The following DMD variants were observed in gnomAD, a reference collection of about 807,000 sequenced individuals.
The protein encoded by DMD is mutant dystrophin.
DMD carries 63 observed loss-of-function variants against 330.1 expected under a neutral mutation model. The ratio of observed to expected loss-of-function variants is 0.19; its 90% CI spans 0.16 to 0.24. The LOEUF is 0.24. Ranked by LOEUF, DMD falls within the 10% of genes least tolerant of loss-of-function variation. The pLI is 1.00. For synonymous variants in DMD, 1,223 were observed against 959.8 expected (o/e 1.27, Z -5.07); for missense variants, 3,344 against 2,684.1 (o/e 1.25, Z -5.43).
chrX:31,249,636 A>C (rs1414006356), intron 63 of DMD, among the ~76,000 whole-genome samples: 1 of 111,438 alleles, frequency 9.0e-6, no homozygotes, highest in Admixed American at 9.5e-5. Context: ...AAAAGTTAGG[A>C]TAAATTGTGA....
rs1036126436 is a variant in DMD at position 32,893,911 on chromosome X, G to A, written c.94-44091C>T. 3.6e-5 allele frequency among the ~76,000 whole-genome samples: 4 copies of A among 111,157 alleles called. No individual in the cohort carries two copies. In the East Asian group the frequency reaches 8.6e-4, roughly 24 times the overall value. ...GCAGAGCCTTGAGATGGGCTGGCAT[G>A]TTTGGGCTTGCTATCTAGTGACAAC... On this transcript the variant is annotated intron_variant, in intron 2 of 78. Transcript: ENST00000357033.
At chrX:32,781,206 A>T (rs2074723963) in intron 7 of DMD, among the ~76,000 whole-genome samples, 1 of 110,467 alleles carries the variant, frequency 9.1e-6, no homozygotes, top group Non-Finnish European at 1.9e-5. Flanking sequence ...TGAGGAAGTC[A>T]CCACCAATAA....
At chrX:31,268,719 G>A (rs1474629745) in intron 62 of DMD, among the ~76,000 whole-genome samples, 1 of 112,204 alleles carries the variant, frequency 8.9e-6, no homozygotes, top group Non-Finnish European at 1.9e-5. Flanking sequence ...CTTAACTACT[G>A]TTTATGTTTA....
At position 32,121,402 on chromosome X, in the gene DMD, C is replaced by G. The variant is rs2096634210; in HGVS notation, c.6438+95514G>C. 2.8e-5 allele frequency among the ~76,000 whole-genome samples: 3 copies of G among 106,273 alleles called. No individual in the cohort carries two copies. The Admixed American group carries it at 3.1e-4, about 11-fold the overall frequency. The allele number at this position is 106,273 out of a possible 115,157, so 92.3% of individuals were successfully genotyped here. ...TCTCCCTGCAGCTGGTGGGCTGCTT[C>G]CTGCTTCTGATGTCTCCACCTGCAG... On this transcript the variant is annotated intron_variant, in intron 44 of 78. Coordinates refer to ENST00000357033, the MANE Select transcript of DMD (RefSeq NM_004006.3).
intron 54 of DMD, among the ~76,000 whole-genome samples, chrX:31,641,283 C>T (rs761944885): frequency 7.0e-4 from 78 of 110,651 alleles, no homozygotes; most frequent in Non-Finnish European, 1.3e-3. Flanking sequence ...GGGTGGATCA[C>T]GAGGTCAGGA....
At chrX:32,452,282 AGAAAG>A (rs1426922971) in intron 26 of DMD, among the ~76,000 whole-genome samples, 7 of 50,892 alleles carry the variant, frequency 1.4e-4, no homozygotes, top group African/African-American at 3.7e-4. Context: ...ACAATGGAAA[AGAAAG>A]GAAAGGAAAA....
At chrX:31,427,305 G>A (rs2063771775) in intron 60 of DMD, among the ~76,000 whole-genome samples, 1 of 110,948 alleles carries the variant, frequency 9.0e-6, no homozygotes. Context: ...CTCATTGCTC[G>A]AGTCTAAGCT....
At chrX:32,643,481 G>C (rs1296330984) in intron 11 of DMD, among the ~76,000 whole-genome samples, 2 of 110,403 alleles carry the variant, frequency 1.8e-5, no homozygotes, top group African/African-American at 6.6e-5. Context: ...ATCTTGTCTT[G>C]ATAGGCTTTA....
rs1040362862 is a variant in DMD at position 32,386,371 on chromosome X, G to T, written c.4613C>A (p.Pro1538His). Reference sequence around the variant, plus strand: ...TGTTACTCTTTCATCAAGTTCTTTGGGATTTTCCGTCTGCTTTTTCTGTAC... The same window carrying T: ...TGTTACTCTTTCATCAAGTTCTTTGTGATTTTCCGTCTGCTTTTTCTGTAC... The part of the protein sequence containing the change: ...QIVQKKQTEN[P>H]KELDERVTAL... The change falls in exon 33 of 79, where the codon CCC (proline) becomes CAC (histidine). Residue 1538 changes from proline (P) to histidine (H), a missense_variant. Pro to His is a moderately conservative substitution (Grantham distance 77). Transcript: ENST00000357033. 2 of 1,208,640 alleles carry T rather than the reference G, an allele frequency of 1.7e-6. No individual in the cohort carries two copies. Among genetic ancestry groups the T allele is most frequent in the Admixed American group, 4.4e-5 (2 of 45,771 alleles).
In DMD at chrX:31,121,532, A is replaced by ATAACTGTTATAAATTTTT. The variant is rs2032553891; in HGVS notation, c.*369_*386dup. ...ACACTTTAGTTTACAATCTTTCTTT[A>ATAACTGTTATAAATTTTT]TAACTGTTATAAATTTTTAAACAAC... On this transcript the variant is annotated 3_prime_UTR_variant, in exon 79 of 79. Transcript: ENST00000357033. 4.6e-6 allele frequency: 1 copy of ATAACTGTTATAAATTTTT among 217,814 alleles called. No individual in the cohort carries two copies. Among genetic ancestry groups the ATAACTGTTATAAATTTTT allele is most frequent in the South Asian group, 8.8e-5 (1 of 11,342 alleles). The allele number at this position is 217,814 out of a possible 1,213,427, so 18.0% of individuals were successfully genotyped here.
chrX:31,789,132 T>C (rs2091450200), intron 50 of DMD, among the ~76,000 whole-genome samples: 1 of 111,627 alleles, frequency 9.0e-6, no homozygotes, highest in African/African-American at 3.2e-5. Flanking sequence ...TGTTTTCTAA[T>C]TGTTTTGTAG....
intron 44 of DMD, among the ~76,000 whole-genome samples, chrX:32,095,904 TAA>T (rs1234276962): frequency 1.8e-5 from 1 of 56,064 alleles, no homozygotes. Flanking sequence ...CAGTTGATTA[TAA>T]GTTTTTTTTT....
intron 44 of DMD, among the ~76,000 whole-genome samples, chrX:32,014,128 T>C (rs1017756737): frequency 1.8e-5 from 2 of 112,309 alleles, no homozygotes; most frequent in Non-Finnish European, 3.8e-5. Context: ...CTTCCATTAG[T>C]AGTTAATTAA....
chrX:33,114,511 T>C (rs2095366850), intron 1 of DMD, among the ~76,000 whole-genome samples: 1 of 111,641 alleles, frequency 9.0e-6, no homozygotes, highest in Non-Finnish European at 1.9e-5. Context: ...TATTTCCATT[T>C]ATAGTAACCT....
intron 41 of DMD, among the ~76,000 whole-genome samples, chrX:32,333,901 A>C (rs1248846515): frequency 8.9e-6 from 1 of 111,871 alleles, no homozygotes; most frequent in Non-Finnish European, 1.9e-5. Context: ...CATTCATGGC[A>C]CACAGAGGGA....
intron 1 of DMD, among the ~76,000 whole-genome samples, chrX:33,254,324 A>T (rs1234867868): frequency 2.9e-5 from 3 of 103,412 alleles, no homozygotes; most frequent in Non-Finnish European, 5.7e-5. Context: ...GTTTATTAAA[A>T]AACATAGACT....
At chrX:32,477,423 G>C (rs910299578) in intron 21 of DMD, among the ~76,000 whole-genome samples, 1 of 110,736 alleles carries the variant, frequency 9.0e-6, no homozygotes, top group Non-Finnish European at 1.9e-5. Context: ...GAAGTTTTCT[G>C]CACCTTTTGT....
At chrX:32,809,794 A>G (rs2077209122) in intron 6 of DMD, among the ~76,000 whole-genome samples, 183 bp from the exon 7 acceptor site, 3 of 109,292 alleles carry the variant, frequency 2.7e-5, no homozygotes, top group African/African-American at 6.7e-5. Context: ...TTTTAATGGA[A>G]GATCTCATTG....
At chrX:32,827,068 CA>C (rs1988944380) in intron 4 of DMD, among the ~76,000 whole-genome samples, 6 of 85,509 alleles carry the variant, frequency 7.0e-5, no homozygotes, top group African/African-American at 2.3e-4. Flanking sequence ...CCCCCCCCCA[CA>C]CACACACACA....
Sources: gnomAD v4.1 joint callset for allele counts (sites outside exome capture counted in the v4.1 genomes callset) on GRCh38, gnomAD v4.1.1 for gene constraint, MANE v1.5 for transcripts, NCBI Gene and HGNC (gene_info 2026-07-23, HGNC 2026-07-21) for gene names.